The following FNBP1L variants were observed in gnomAD, a reference collection of about 807,000 sequenced individuals.
FNBP1L encodes formin-binding protein 1-like.
A neutral mutation model predicts 91.2 loss-of-function variants in FNBP1L; 36 were observed. The observed-to-expected ratio is 0.39, with a 90% CI of 0.30 to 0.52. The LOEUF (loss-of-function observed/expected upper bound fraction) is 0.52, where lower values mean the gene tolerates loss of function less well. FNBP1L is among the 20% of genes least tolerant of loss of function. The probability of loss-of-function intolerance (pLI) is 0.66; values close to 1 mark genes in which losing one functional copy is unlikely to be tolerated. For missense variants in FNBP1L, 571 were observed against 732.1 expected (o/e 0.78, Z 2.54); for synonymous variants, 242 against 237.0 (o/e 1.02, Z -0.19).
intron 7 of FNBP1L, among the ~76,000 whole-genome samples, chr1:93,531,454 G>A (rs1313433650): frequency 1.3e-5 from 2 of 152,270 alleles, no homozygotes; most frequent in South Asian, 2.1e-4. Context: ...TTATTTAATT[G>A]CCTGTTCTAG....
intron 3 of FNBP1L, among the ~76,000 whole-genome samples, chr1:93,522,449 G>A (rs181129467): frequency 1.3e-3 from 193 of 152,250 alleles, no homozygotes; most frequent in African/African-American, 4.3e-3. Flanking sequence ...TGTTGGCTTC[G>A]TAGATTCTTG....
chr1:93,485,553 C>T (rs1048029710), intron 1 of FNBP1L, among the ~76,000 whole-genome samples: 7 of 152,142 alleles, frequency 4.6e-5, no homozygotes, highest in Admixed American at 1.3e-4. Context: ...AAATTAAAGA[C>T]AAGTGATTAT....
At chr1:93,507,093 ACACACACACACACACTCTCTCTCTCTCT>A (rs1557797950) in intron 2 of FNBP1L, among the ~76,000 whole-genome samples, 28 of 124,058 alleles carry the variant, frequency 2.3e-4, no homozygotes, top group African/African-American at 9.2e-4. Context: ...ACACACACAC[ACACACACACACACACTCTCTCTCTCTCT>A]CTCTCTCTCT....
intron 1 of FNBP1L, among the ~76,000 whole-genome samples, chr1:93,480,982 G>A (rs1669681961): frequency 6.6e-6 from 1 of 151,940 alleles, no homozygotes; most frequent in Admixed American, 6.6e-5. Context: ...AATGGTTCGG[G>A]TAGAATTATG....
intron 2 of FNBP1L, among the ~76,000 whole-genome samples, chr1:93,512,806 C>T (rs915239441): frequency 7.9e-5 from 12 of 151,516 alleles, no homozygotes; most frequent in South Asian, 4.2e-4. Flanking sequence ...ACTAAATGCC[C>T]ACAAGAGAAA....
intron 1 of FNBP1L, among the ~76,000 whole-genome samples, chr1:93,450,723 T>C (rs1668464547): frequency 6.6e-6 from 1 of 152,222 alleles, no homozygotes; most frequent in African/African-American, 2.4e-5. Flanking sequence ...ATATTTAGAA[T>C]CACATTACTG....
intron 2 of FNBP1L, among the ~76,000 whole-genome samples, chr1:93,516,554 G>A (rs1181520022): frequency 1.3e-5 from 2 of 152,148 alleles, no homozygotes; most frequent in Admixed American, 6.5e-5. Flanking sequence ...GATGGCTCAC[G>A]CTTGTGATCC....
chr1:93,474,197 C>T (rs1011674563), intron 1 of FNBP1L, among the ~76,000 whole-genome samples: 6 of 152,088 alleles, frequency 3.9e-5, no homozygotes, highest in Non-Finnish European at 4.4e-5. Context: ...GAGCTGAGAT[C>T]ACGCCACTGC....
intron 2 of FNBP1L, among the ~76,000 whole-genome samples, chr1:93,513,721 C>G (rs575240788): frequency 2.5e-4 from 38 of 152,180 alleles, no homozygotes; most frequent in African/African-American, 4.6e-4. Context: ...ATTCAAGAAC[C>G]CTTCATGCTA....
intron 6 of FNBP1L, among the ~76,000 whole-genome samples, chr1:93,530,210 A>G (rs1397658447): frequency 6.6e-6 from 1 of 152,156 alleles, no homozygotes; most frequent in Non-Finnish European, 1.5e-5. Flanking sequence ...TCCTTAAAGT[A>G]TCTGTGGTTC....
chr1:93,507,083 ACACACACACACACACACACACACACT>A (rs1670644616), intron 2 of FNBP1L, among the ~76,000 whole-genome samples: 7 of 130,280 alleles, frequency 5.4e-5, no homozygotes, highest in African/African-American at 1.6e-4. Context: ...ACACACACAC[ACACACACACACACACACACACACACT>A]CTCTCTCTCT....
chr1:93,486,537 A>G (rs1361158829), intron 1 of FNBP1L, among the ~76,000 whole-genome samples: 1 of 152,122 alleles, frequency 6.6e-6, no homozygotes, highest in African/African-American at 2.4e-5. Context: ...GGTAGGCAGC[A>G]TAGGTGTTCT....
chr1:93,483,581 T>C (rs1477879928), intron 1 of FNBP1L, among the ~76,000 whole-genome samples: 1 of 152,240 alleles, frequency 6.6e-6, no homozygotes, highest in Non-Finnish European at 1.5e-5. Context: ...GATTTTTCAA[T>C]ATTATGGATA....
At chr1:93,527,681 C>T (rs1166120624) in intron 5 of FNBP1L, among the ~76,000 whole-genome samples, 1 of 152,012 alleles carries the variant, frequency 6.6e-6, no homozygotes, top group Non-Finnish European at 1.5e-5. Context: ...ATATCATAAT[C>T]CGTAAAGCCC....
At chr1:93,535,836 G>A (rs1315912026) in intron 9 of FNBP1L, among the ~76,000 whole-genome samples, 1 of 151,746 alleles carries the variant, frequency 6.6e-6, no homozygotes, top group East Asian at 1.9e-4. Flanking sequence ...AAAAAAAGGT[G>A]AAATAAGGAT....
intron 2 of FNBP1L, among the ~76,000 whole-genome samples, chr1:93,514,245 C>T (rs1414868995): frequency 2.0e-5 from 3 of 152,078 alleles, no homozygotes; most frequent in Non-Finnish European, 4.4e-5. Flanking sequence ...GAACTACAAA[C>T]CACTGCTCAA....
intron 2 of FNBP1L, among the ~76,000 whole-genome samples, chr1:93,516,264 A>T (rs1395682266): frequency 6.6e-6 from 1 of 152,150 alleles, no homozygotes; most frequent in South Asian, 2.1e-4. Context: ...TGGAAGTGAG[A>T]AAACATCCTG....
At chr1:93,518,656 G>A (rs1052757768) in intron 2 of FNBP1L, among the ~76,000 whole-genome samples, 4 of 152,104 alleles carry the variant, frequency 2.6e-5, no homozygotes, top group Admixed American at 2.0e-4. Context: ...AGGTACCTGG[G>A]GCAGATGGAC....
chr1:93,521,198 T>C (rs1470857426), intron 2 of FNBP1L, among the ~76,000 whole-genome samples: 14 of 152,302 alleles, frequency 9.2e-5, no homozygotes, highest in Admixed American at 9.2e-4. Context: ...ACTATAAGAA[T>C]GTTAAGAACA....
Sources: gnomAD v4.1 joint callset for allele counts (sites outside exome capture counted in the v4.1 genomes callset) on GRCh38, gnomAD v4.1.1 for gene constraint, MANE v1.5 for transcripts, NCBI Gene and HGNC (gene_info 2026-07-23, HGNC 2026-07-21) for gene names.